Variants in SLC35F4 observed in about 807,000 individuals in gnomAD.
The protein encoded by SLC35F4 is solute carrier family 35 member F4.
Under a neutral mutation model 44.2 loss-of-function variants are expected in SLC35F4, and 24 were observed. The ratio of observed to expected loss-of-function variants is 0.54; its 90% confidence interval spans 0.39 to 0.76. SLC35F4 has a LOEUF of 0.76. SLC35F4 is among the 30% of genes least tolerant of loss of function. The pLI is 0.00. For synonymous variants in SLC35F4, 238 were observed against 223.6 expected, an observed-to-expected ratio of 1.06 and a Z score of -0.57; for missense variants, 562 against 586.1, an observed-to-expected ratio of 0.96 and a Z score of 0.42.
chr14:57,744,625 C>G (rs2076706708), intron 1 of SLC35F4, among the ~76,000 whole-genome samples: 1 of 152,140 alleles, frequency 6.6e-6, no homozygotes, highest in African/African-American at 2.4e-5. Context: ...TAGGAAGAAT[C>G]AATATCATGA....
rs367775779 is a variant in SLC35F4 at position 57,864,135 on chromosome 14, A to G, written c.103+1588T>C. Among the ~76,000 whole-genome samples the G allele has an allele frequency of 1.3e-4, 20 of 152,358 alleles. No homozygotes were observed. The East Asian group carries it at 3.9e-3, about 29-fold the overall frequency. On this transcript the variant is annotated intron_variant, in intron 1 of 7. Transcript: ENST00000556826. ...ACCACCCTGAGTCTTGTAATTTCAC[A>G]CACAGCTTCTACATTCTCTAAGCCA...
At chr14:57,927,881 C>G (rs1311135404) in intron 1 of SLC35F4, among the ~76,000 whole-genome samples, 1 of 152,130 alleles carries the variant, frequency 6.6e-6, no homozygotes, top group Non-Finnish European at 1.5e-5. Flanking sequence ...TTTTTTCCTA[C>G]TATGCCTCAT....
At chr14:57,704,113 T>C (rs1259121023) in intron 1 of SLC35F4, among the ~76,000 whole-genome samples, 1 of 152,222 alleles carries the variant, frequency 6.6e-6, no homozygotes, top group African/African-American at 2.4e-5. Flanking sequence ...AGTTCAAAAC[T>C]ATTTTATTTT....
intron 1 of SLC35F4, among the ~76,000 whole-genome samples, chr14:57,917,250 G>T (rs1350753946): frequency 6.6e-6 from 1 of 152,058 alleles, no homozygotes; most frequent in Non-Finnish European, 1.5e-5. Context: ...TAGTAGAGAT[G>T]GGGTTTCACC....
intron 1 of SLC35F4, among the ~76,000 whole-genome samples, chr14:57,636,226 G>A (rs2073010067): frequency 6.6e-6 from 1 of 152,108 alleles, no homozygotes; most frequent in East Asian, 1.9e-4. Flanking sequence ...CCTCCAGGTG[G>A]AAATAGGAAC....
Position 57,718,552 on chromosome 14 carries a change from A to G in SLC35F4, c.104-124428T>C, listed in dbSNP as rs1418494369. On this transcript the variant is annotated intron_variant, in intron 1 of 7. Coordinates refer to ENST00000556826, the MANE Select transcript of SLC35F4 (RefSeq NM_001306087.2). ...TAATAGCCATTTTAACTGGACTGAG[A>G]TGATGTCTTGTACTTTTGATTTGCA... 2.0e-5 allele frequency among the ~76,000 whole-genome samples: 3 copies of G among 152,286 alleles called. No individual in the cohort carries two copies. The East Asian group carries it at 5.8e-4, about 29-fold the overall frequency.
intron 1 of SLC35F4, among the ~76,000 whole-genome samples, chr14:57,739,688 T>G (rs1398437955): frequency 1.3e-5 from 2 of 152,194 alleles, no homozygotes; most frequent in African/African-American, 4.8e-5. Flanking sequence ...GGGCTTTCAG[T>G]CCAGGCCTGG....
At chr14:57,690,166 C>T (rs1260235188) in intron 1 of SLC35F4, among the ~76,000 whole-genome samples, 1 of 152,200 alleles carries the variant, frequency 6.6e-6, no homozygotes, top group Non-Finnish European at 1.5e-5. Context: ...GCTACTCCTT[C>T]CTGTCAATGG....
chr14:57,790,579 C>T (rs186934462), intron 1 of SLC35F4, among the ~76,000 whole-genome samples: 87 of 152,220 alleles, frequency 5.7e-4, no homozygotes, highest in Admixed American at 1.3e-3. Context: ...TTTACAGATT[C>T]GATGCTCTTC....
chr14:57,826,439 G>A (rs1883776949), intron 1 of SLC35F4, among the ~76,000 whole-genome samples: 1 of 152,082 alleles, frequency 6.6e-6, no homozygotes. Flanking sequence ...ATACCATTCA[G>A]GACATAGGCA....
intron 1 of SLC35F4, among the ~76,000 whole-genome samples, chr14:57,824,985 A>G (rs1415820202): frequency 6.6e-6 from 1 of 152,128 alleles, no homozygotes; most frequent in East Asian, 1.9e-4. Flanking sequence ...GAGGAAAAAG[A>G]GTCAAGAGGG....
At chr14:57,709,191 T>C (rs1092055) in intron 1 of SLC35F4, among the ~76,000 whole-genome samples, 82,809 of 151,810 alleles carry the variant, frequency 0.55, 22,866 homozygotes, top group South Asian at 0.59. Flanking sequence ...CTCCCTTTCC[T>C]GGTCTGCTAA....
intron 1 of SLC35F4, among the ~76,000 whole-genome samples, chr14:57,961,926 A>T (rs1428177420): frequency 6.6e-6 from 1 of 152,164 alleles, no homozygotes. Context: ...TATCTGTTTT[A>T]CAAATGCCTC....
intron 1 of SLC35F4, among the ~76,000 whole-genome samples, chr14:57,686,886 T>C (rs1042636586): frequency 1.2e-4 from 19 of 152,176 alleles, no homozygotes; most frequent in Non-Finnish European, 2.8e-4. Flanking sequence ...CAAATTTATA[T>C]GTTGAAGTCC....
intron 1 of SLC35F4, among the ~76,000 whole-genome samples, chr14:57,791,396 T>C (rs777569191): frequency 6.6e-6 from 1 of 152,210 alleles, no homozygotes; most frequent in Admixed American, 6.5e-5. Context: ...TCATCACTGC[T>C]CATTAGATAC....
At chr14:57,590,144 C>T (rs528346882) in intron 2 of SLC35F4, among the ~76,000 whole-genome samples, 18 of 147,690 alleles carry the variant, frequency 1.2e-4, no homozygotes, top group Non-Finnish European at 2.5e-4. Context: ...CATCTCAGCA[C>T]TCTGGGAGGC....
Position 57,679,312 on chromosome 14 carries a change from T to A in SLC35F4, c.104-85188A>T, listed in dbSNP as rs572217746. ...TGAAATGAAGGCAGAAATAAATAAG[T>A]TCTTTGAAACCAATGAGAACAAAGA... On this transcript the variant is annotated intron_variant, in intron 1 of 7. Coordinates refer to ENST00000556826, the MANE Select transcript of SLC35F4 (RefSeq NM_001306087.2). Among the ~76,000 whole-genome samples the A allele has an allele frequency of 7.2e-4, 110 of 152,214 alleles. 1 individual carries two copies. The highest frequency in any genetic ancestry group is 3.9e-4 in the Admixed American group (6 of 15,292).
At chr14:57,940,846 C>T (rs1417871525) in intron 1 of SLC35F4, among the ~76,000 whole-genome samples, 2 of 152,094 alleles carry the variant, frequency 1.3e-5, no homozygotes, top group Non-Finnish European at 2.9e-5. Context: ...GATCTCAGGC[C>T]CCACTCCCTC....
rs148564316 is a variant in SLC35F4 at position 57,864,715 on chromosome 14, C to T, written c.103+1008G>A. On this transcript the variant is annotated intron_variant, in intron 1 of 7. Transcript: ENST00000556826. Reference sequence around the variant, plus strand: ...GCTTCCAAGCTTCTGACAACAATAACGGCAAAAACATCAATTAAGCTTCAT... The same window carrying T: ...GCTTCCAAGCTTCTGACAACAATAATGGCAAAAACATCAATTAAGCTTCAT... 1.5e-3 allele frequency among the ~76,000 whole-genome samples: 235 copies of T among 152,192 alleles called. 1 individual carries two copies. The highest frequency in any genetic ancestry group is 5.3e-3 in the African/African-American group (222 of 41,520).
Sources: gnomAD v4.1 joint callset for allele counts (sites outside exome capture counted in the v4.1 genomes callset) on GRCh38, gnomAD v4.1.1 for gene constraint, MANE v1.5 for transcripts, NCBI Gene and HGNC (gene_info 2026-07-23, HGNC 2026-07-21) for gene names.